The following LYN variants were observed in gnomAD, a reference collection of about 807,000 sequenced individuals.
LYN encodes tyrosine-protein kinase Lyn.
LYN carries 12 observed loss-of-function variants against 65.0 expected under a neutral mutation model. The ratio of observed to expected loss-of-function variants is 0.18; its 90% CI spans 0.12 to 0.30. The LOEUF (loss-of-function observed/expected upper bound fraction) is 0.30. Ranked by LOEUF, LYN falls within the 10% of genes least tolerant of loss-of-function variation. The probability of loss-of-function intolerance (pLI) is 1.00; values close to 1 mark genes in which losing one functional copy is unlikely to be tolerated. For missense variants in LYN, 380 were observed against 623.2 expected, an observed-to-expected ratio of 0.61 and a Z score of 4.16; for synonymous variants, 222 against 221.2, an observed-to-expected ratio of 1.00 and a Z score of -0.03.
intron 1 of LYN, among the ~76,000 whole-genome samples, chr8:55,909,137 T>G (rs1042605621): frequency 5.3e-5 from 8 of 151,516 alleles, no homozygotes; most frequent in African/African-American, 7.3e-5. Context: ...ATGGCGAATT[T>G]GCTTCTCTGC....
chr8:55,981,633 G>C (rs1807926419), intron 10 of LYN, among the ~76,000 whole-genome samples: 1 of 152,150 alleles, frequency 6.6e-6, no homozygotes, highest in South Asian at 2.1e-4. Flanking sequence ...TGGGATTATA[G>C]GTGTGAGCCA....
chr8:55,893,630 G>A (rs1367807182), intron 1 of LYN: 1 of 152,126 alleles, frequency 6.6e-6, no homozygotes, highest in Non-Finnish European at 1.5e-5. Context: ...GCATCATTCA[G>A]AAAACACTTC....
intron 10 of LYN, among the ~76,000 whole-genome samples, chr8:55,974,777 A>G (rs1274390328): frequency 6.6e-6 from 1 of 152,168 alleles, no homozygotes; most frequent in Non-Finnish European, 1.5e-5. Context: ...CAACTGCTTT[A>G]TCTTCAAAGC....
At chr8:55,978,393 C>T (rs539637153) in intron 10 of LYN, among the ~76,000 whole-genome samples, 3 of 152,286 alleles carry the variant, frequency 2.0e-5, no homozygotes, top group South Asian at 2.1e-4. Context: ...AGCTGAGGAC[C>T]GCCATTGCGG....
In LYN at chr8:55,950,520, A is replaced by C; in HGVS notation, c.346A>C (p.Asn116His). ...LTKKEGFIPS[N>H]YVAKLNTLET... ...AAAAAAAGAAGGCTTCATCCCCAGC[A>C]ACTATGTGGCCAAACTCAACACCTT... The change falls in exon 5 of 13, where the codon AAC (asparagine) becomes CAC (histidine). Residue 116 changes from asparagine to histidine, a missense_variant. Physicochemically the swap from Asn to His is moderately conservative, Grantham distance 68. Coordinates refer to ENST00000519728, the MANE Select transcript of LYN (RefSeq NM_002350.4). The C allele has an allele frequency of 6.2e-7, 1 of 1,613,976 alleles. No homozygotes were observed. Among genetic ancestry groups the C allele is most frequent in the Non-Finnish European group, 8.5e-7 (1 of 1,179,974 alleles).
chr8:55,922,699 G>A (rs1476682163), intron 1 of LYN, among the ~76,000 whole-genome samples: 1 of 152,086 alleles, frequency 6.6e-6, no homozygotes, highest in Non-Finnish European at 1.5e-5. Flanking sequence ...CCTGGCAGGC[G>A]GAGGCTGCAG....
At chr8:55,925,246 T>C (rs1409725862) in intron 1 of LYN, among the ~76,000 whole-genome samples, 1 of 152,002 alleles carries the variant, frequency 6.6e-6, no homozygotes, top group Non-Finnish European at 1.5e-5. Context: ...CATCAGCCTC[T>C]GGAGTAGCTG....
intron 10 of LYN, among the ~76,000 whole-genome samples, chr8:55,991,569 A>G (rs1285497879): frequency 6.6e-6 from 1 of 152,176 alleles, no homozygotes; most frequent in Non-Finnish European, 1.5e-5. Flanking sequence ...TTCATTGTGT[A>G]CAAGATGCCA....
At chr8:55,905,264 T>G (rs1422224283) in intron 1 of LYN, among the ~76,000 whole-genome samples, 1 of 151,932 alleles carries the variant, frequency 6.6e-6, no homozygotes, top group East Asian at 1.9e-4. Context: ...TACAAAAAAT[T>G]AGCCAGGCGT....
chr8:55,939,161 A>T (rs1399519172), intron 1 of LYN, among the ~76,000 whole-genome samples: 1 of 152,184 alleles, frequency 6.6e-6, no homozygotes. Context: ...TGGGTTGCTC[A>T]TCCCCATGTC....
chr8:55,894,654 TCCTGTGTAGCTATTATTACAGGCA>T (rs1284032737), intron 1 of LYN, among the ~76,000 whole-genome samples: 1 of 151,950 alleles, frequency 6.6e-6, no homozygotes, highest in Non-Finnish European at 1.5e-5. Context: ...TTCTTCAGCC[TCCTGTGTAGCTATTATTACAGGCA>T]CCTGCCACCA....
rs193297560 is a variant in LYN, at chr8:55,950,599, A to C, written c.383+42A>C. 1,709 of 1,579,296 alleles carry C rather than the reference A, an allele frequency of 1.1e-3. 3 individuals carry two copies. Among genetic ancestry groups the C allele is most frequent in the Non-Finnish European group, 1.4e-3 (1,570 of 1,148,624 alleles). ...TGTCATCTTGGTGGCTTTATTTGCC[A>C]CATTGGATTTCTTGTTAATATTCTT... On this transcript the variant is annotated intron_variant, in intron 5 of 12. Coordinates refer to ENST00000519728, the MANE Select transcript of LYN (RefSeq NM_002350.4).
At chr8:55,966,318 A>G (rs1046749945) in intron 8 of LYN, among the ~76,000 whole-genome samples, 4 of 151,870 alleles carry the variant, frequency 2.6e-5, no homozygotes, top group Non-Finnish European at 4.4e-5. Flanking sequence ...GGCTTTTTCT[A>G]TCTGTAATTA....
At chr8:56,000,147 A>T (rs1808474896) in intron 12 of LYN, among the ~76,000 whole-genome samples, 1 of 152,106 alleles carries the variant, frequency 6.6e-6, no homozygotes, top group Non-Finnish European at 1.5e-5. Context: ...ATGAGGATGG[A>T]TAGACACAGG....
intron 1 of LYN, among the ~76,000 whole-genome samples, chr8:55,890,060 T>A (rs1187772025): frequency 1.5e-5 from 2 of 133,682 alleles, no homozygotes; most frequent in Non-Finnish European, 3.0e-5. Flanking sequence ...GTGGATTGCT[T>A]GAAGCCAGGA....
chr8:55,893,800 T>G (rs1214729262), intron 1 of LYN: 1 of 55,148 alleles, frequency 1.8e-5, no homozygotes, highest in Non-Finnish European at 4.1e-5. Context: ...TTTTGTTTTG[T>G]TTTTTTTTAG....
chr8:55,951,669 A>G (rs570869540), intron 6 of LYN, among the ~76,000 whole-genome samples: 1 of 151,994 alleles, frequency 6.6e-6, no homozygotes, highest in Non-Finnish European at 1.5e-5. Flanking sequence ...TATTTCAAAA[A>G]AAAAAAAAAG....
chr8:55,914,689 G>T (rs1201077935), intron 1 of LYN, among the ~76,000 whole-genome samples: 1 of 152,162 alleles, frequency 6.6e-6, no homozygotes, highest in African/African-American at 2.4e-5. Flanking sequence ...CTTTTCATCA[G>T]CCTCGCTCAC....
chr8:55,887,607 T>C (rs373689283), intron 1 of LYN, among the ~76,000 whole-genome samples: 2,216 of 70,252 alleles, frequency 0.032, 28 homozygotes, highest in Non-Finnish European at 0.05. Flanking sequence ...CACACACATA[T>C]ATATATATTT....
Sources: allele counts gnomAD v4.1 joint callset (sites outside exome capture counted in the v4.1 genomes callset), GRCh38; gene constraint gnomAD v4.1.1; transcripts MANE v1.5; gene names NCBI Gene and HGNC (gene_info 2026-07-23, HGNC 2026-07-21).